Variants in MTOR observed in about 807,000 individuals in gnomAD.
MTOR encodes the protein serine/threonine-protein kinase mTOR.
In MTOR, 70 loss-of-function variants were observed where a neutral mutation model predicts 319.8. The ratio of observed to expected loss-of-function variants is 0.22; its 90% confidence interval spans 0.18 to 0.27. MTOR has a LOEUF of 0.27. Ranked by LOEUF, MTOR falls within the 10% of genes least tolerant of loss-of-function variation. MTOR has a pLI of 1.00. For missense variants in MTOR, 1,890 were observed against 3,274.4 expected, an observed-to-expected ratio of 0.58 and a Z score of 10.32; for synonymous variants, 1,183 against 1,211.4, an observed-to-expected ratio of 0.98 and a Z score of 0.49.
At chr1:11,224,298 G>A (rs922031222) in intron 19 of MTOR, among the ~76,000 whole-genome samples, 4 of 151,914 alleles carry the variant, frequency 2.6e-5, no homozygotes, top group East Asian at 3.8e-4. Flanking sequence ...TTAATGTTAC[G>A]TAAAATACGT....
intron 10 of MTOR, 59 bp downstream of exon 10, chr1:11,241,494 C>A: frequency 6.4e-7 from 1 of 1,552,950 alleles, no homozygotes; most frequent in South Asian, 1.2e-5. Flanking sequence ...TTAACAGTCC[C>A]AACACTGGGG....
chr1:11,149,688 G>T (rs924124011), intron 31 of MTOR, among the ~76,000 whole-genome samples: 2 of 152,108 alleles, frequency 1.3e-5, no homozygotes, highest in South Asian at 4.1e-4. Flanking sequence ...ATCTGAAGTG[G>T]GGCGATATTT....
Position 11,115,606 on chromosome 1 carries a change from G to A in MTOR, c.7017-138C>T. ...ATCCAGCCCCTCCACCTCCACTTCT[G>A]CAAGTCCAGTTTTACTGGAACACAC... On this transcript the variant is annotated intron_variant, in intron 50 of 57. Coordinates refer to ENST00000361445, the MANE Select transcript of MTOR (RefSeq NM_004958.4). The surrounding 1 kb of genome is among the most constrained non-coding windows in gnomAD (Gnocchi z 4.5). The A allele has an allele frequency of 4.1e-6, 3 of 730,966 alleles. No homozygotes were observed. The highest frequency in any genetic ancestry group is 2.6e-5 in the East Asian group (1 of 38,374). The allele number at this position is 730,966 out of a possible 1,614,324, so 45.3% of individuals were successfully genotyped here. A position where few individuals can be genotyped will look rare whatever the true frequency, so the allele number is the denominator to read the frequency against.
chr1:11,243,539 T>C (rs935490248), intron 8 of MTOR, among the ~76,000 whole-genome samples: 42 of 151,538 alleles, frequency 2.8e-4, no homozygotes, highest in African/African-American at 9.9e-4. Flanking sequence ...AAAATAAAAA[T>C]TAGCCAGGTG....
intron 6 of MTOR, 105 bp downstream of exon 6, chr1:11,253,734 T>G (rs1650003944): frequency 1.5e-6 from 2 of 1,294,314 alleles, no homozygotes; most frequent in South Asian, 2.6e-5. Context: ...TTTATTATGT[T>G]TCCTGCCACA....
chr1:11,177,185 T>C (rs1645018715), intron 28 of MTOR, among the ~76,000 whole-genome samples: 1 of 152,090 alleles, frequency 6.6e-6, no homozygotes, highest in Non-Finnish European at 1.5e-5. Flanking sequence ...TTTGGTGTAC[T>C]TGGAGCTCTT....
intron 19 of MTOR, among the ~76,000 whole-genome samples, chr1:11,226,582 G>T (rs1646845540): frequency 6.6e-6 from 1 of 152,116 alleles, no homozygotes; most frequent in African/African-American, 2.4e-5. Flanking sequence ...CTTGAGCCCA[G>T]GAGTTTGATA....
In MTOR at chr1:11,199,726, A is replaced by G; in HGVS notation, c.3945-23T>C. ...TCCCTGAAGGCAGAGAAGGTGGAAA[A>G]TGGAGAGACCTCCCGTGCCTCTGCC... On this transcript the variant is annotated intron_variant, in intron 26 of 57. Transcript: ENST00000361445. This position sits in a 1 kb window ranked among gnomAD's most constrained non-coding sequence, Gnocchi z 4.5. 1 of 1,612,514 alleles carries G rather than the reference A, an allele frequency of 6.2e-7. No homozygotes were observed. Among genetic ancestry groups the G allele is most frequent in the Non-Finnish European group, 8.5e-7 (1 of 1,178,956 alleles).
At chr1:11,126,831 C>T in intron 45 of MTOR, 35 bp from the exon 46 acceptor site, 1 of 1,601,630 alleles carries the variant, frequency 6.2e-7, no homozygotes, top group Non-Finnish European at 8.5e-7. Flanking sequence ...AGTGTTCTGC[C>T]TCCAGGGAAG....
chr1:11,140,709 G>A (rs1006040132), intron 34 of MTOR, among the ~76,000 whole-genome samples: 3 of 152,094 alleles, frequency 2.0e-5, no homozygotes, highest in Admixed American at 6.6e-5. Context: ...ATAGGGATAC[G>A]GTGAGGATTA....
In MTOR at chr1:11,109,557, C is replaced by T; in HGVS notation, c.7447+92G>A. 7.3e-7 allele frequency: 1 copy of T among 1,367,418 alleles called. No individual in the cohort carries two copies. Among genetic ancestry groups the T allele is most frequent in the Non-Finnish European group, 1.0e-6 (1 of 963,906 alleles). The allele number at this position is 1,367,418 out of a possible 1,614,324, so 84.7% of individuals were successfully genotyped here. ...TTTCTGCTCAAAGGCAGTTTTGTTG[C>T]TTCATCTTGTTGACCCCTCTCAGGG... On this transcript the variant is annotated intron_variant, in intron 55 of 57. Coordinates refer to ENST00000361445, the MANE Select transcript of MTOR (RefSeq NM_004958.4). This position sits in a 1 kb window ranked among gnomAD's most constrained non-coding sequence, Gnocchi z 4.0.
chr1:11,149,691 C>T (rs1378373948), intron 31 of MTOR, among the ~76,000 whole-genome samples: 2 of 151,978 alleles, frequency 1.3e-5, no homozygotes, highest in Non-Finnish European at 2.9e-5. Flanking sequence ...TGAAGTGGGG[C>T]GATATTTTGG....
rs2100424099 is a variant in MTOR at position 11,129,803 on chromosome 1, A to C, written c.5649T>G (p.Pro1883=). 6.2e-7 allele frequency: 1 copy of C among 1,614,226 alleles called. No individual in the cohort carries two copies. Among genetic ancestry groups the C allele is most frequent in the South Asian group, 1.1e-5 (1 of 91,090 alleles). ...LSKTLLMYTV[P]AVQGFFRSIS... ...TGGAACGGAAGAAGCCCTGGACGGC[A>C]GGCACCGTGTACATCAGGAGGGTTT... The change falls in exon 40 of 58, where the codon CCT becomes CCG. Residue 1883 remains proline (P), a synonymous_variant. Coordinates refer to ENST00000361445, the MANE Select transcript of MTOR (RefSeq NM_004958.4). This position sits in a 1 kb window ranked among gnomAD's most constrained non-coding sequence, Gnocchi z 4.7.
intron 19 of MTOR, among the ~76,000 whole-genome samples, chr1:11,217,763 A>G (rs1322184754): frequency 6.6e-6 from 1 of 151,946 alleles, no homozygotes; most frequent in Non-Finnish European, 1.5e-5. Context: ...TCCATTAACA[A>G]GGATAATTTA....
Position 11,134,380 on chromosome 1 carries a change from A to T in MTOR, c.5217T>A (p.His1739Gln), listed in dbSNP as rs931137314. 4 of 1,614,052 alleles carry T rather than the reference A, an allele frequency of 2.5e-6. No homozygotes were observed. In the African/African-American group the frequency reaches 5.3e-5, roughly 22 times the overall value. ...CCATGAGCTTGTGCAGTTCCTGCTTATGCTGCTGGTCCTCAGTAGCGATGG... is the reference window on the plus strand; with the variant it reads ...CCATGAGCTTGTGCAGTTCCTGCTTTTGCTGCTGGTCCTCAGTAGCGATGG... The part of the protein sequence containing the change: ...QHAIATEDQQ[H>Q]KQELHKLMAR... The change falls in exon 37 of 58, where the codon CAT (histidine) becomes CAA (glutamine). Residue 1739 changes from histidine to glutamine, a missense_variant. His to Gln is a conservative substitution (Grantham distance 24). This residue lies in a region of MTOR where 276 missense variants were observed against 459.4 expected (regional missense o/e 0.60). Transcript: ENST00000361445.
chr1:11,243,317 C>T lies in MTOR; in HGVS notation c.1226-17G>A. ...ACTGGGTATCTGAGCACAGAAAAGA[C>T]AAAGTAGATAGCTCCAGGTCAGGGT... On this transcript the variant is annotated splice_polypyrimidine_tract_variant and intron_variant, in intron 8 of 57. Coordinates refer to ENST00000361445, the MANE Select transcript of MTOR (RefSeq NM_004958.4). 1 of 1,611,524 alleles carries T rather than the reference C, an allele frequency of 6.2e-7. No individual in the cohort carries two copies. Among genetic ancestry groups the T allele is most frequent in the Non-Finnish European group, 8.5e-7 (1 of 1,178,396 alleles).
intron 17 of MTOR, 105 bp downstream of exon 17, chr1:11,231,195 A>G (rs1647003991): frequency 1.3e-6 from 2 of 1,582,834 alleles, no homozygotes. Context: ...GGAGAGGGAC[A>G]GGAAGTCTGA....
intron 32 of MTOR, among the ~76,000 whole-genome samples, chr1:11,146,044 G>A (rs1229622944): frequency 6.6e-6 from 1 of 152,076 alleles, no homozygotes; most frequent in Admixed American, 6.6e-5. Context: ...CCTGGGGGAC[G>A]CCACAGCACT....
intron 53 of MTOR, 76 bp downstream of exon 53, chr1:11,114,242 G>A: frequency 6.3e-7 from 1 of 1,576,884 alleles, no homozygotes; most frequent in Non-Finnish European, 8.6e-7. Flanking sequence ...CAACTCCTCT[G>A]CCTTGGCCTC....
Sources: allele counts gnomAD v4.1 joint callset (sites outside exome capture counted in the v4.1 genomes callset), GRCh38; gene constraint gnomAD v4.1.1; regional missense constraint gnomAD v4.1.1; non-coding constraint Gnocchi (gnomAD v3.1); transcripts MANE v1.5; gene names NCBI Gene and HGNC (gene_info 2026-07-23, HGNC 2026-07-21).